Variants in TRMT9B observed in about 807,000 individuals in gnomAD.
The protein encoded by TRMT9B is tRNA methyltransferase 9B (putative).
In TRMT9B, 16 loss-of-function variants were observed where a neutral mutation model predicts 11.5. The observed-to-expected ratio is 1.39, with a 90% CI of 0.94 to 2.11. The LOEUF (loss-of-function observed/expected upper bound fraction) is 2.11. TRMT9B is among the 30% of genes most tolerant of loss of function. The pLI is 0.00. For synonymous variants in TRMT9B, 274 were observed against 192.4 expected (o/e 1.42, Z -3.51); for missense variants, 941 against 553.8 (o/e 1.70, Z -7.02).
chr8:12,996,363 T>C (rs1225704436), intron 2 of TRMT9B, among the ~76,000 whole-genome samples: 1 of 152,220 alleles, frequency 6.6e-6, no homozygotes, highest in Non-Finnish European at 1.5e-5. Context: ...GCAAATGGAC[T>C]CTATTCTTGG....
Position 13,027,241 on chromosome 8 carries a change from T to A in TRMT9B, c.*5197T>A, listed in dbSNP as rs1814793642. 1 of 167,068 alleles carries A rather than the reference T, an allele frequency of 6.0e-6. No individual in the cohort carries two copies. Among genetic ancestry groups the A allele is most frequent in the African/African-American group, 2.4e-5 (1 of 41,464 alleles). The allele number at this position is 167,068 out of a possible 1,614,324, so 10.3% of individuals were successfully genotyped here. A position where few individuals can be genotyped will look rare whatever the true frequency, so the allele number is the denominator to read the frequency against. ...CTTGAAGGTACCCAGAATATTAGAA[T>A]TAACTGACCCACAGGTGCCAAGCTG... On this transcript the variant is annotated 3_prime_UTR_variant, in exon 5 of 5. Transcript: ENST00000524591.
intron 1 of TRMT9B, among the ~76,000 whole-genome samples, chr8:12,973,851 G>T (rs773174363): frequency 6.6e-6 from 1 of 152,084 alleles, no homozygotes; most frequent in Non-Finnish European, 1.5e-5. Flanking sequence ...CTCAGTTCAC[G>T]CCAGTGCCAG....
At chr8:12,999,986 ATGTATACTTT>A (rs942300677) in intron 2 of TRMT9B, among the ~76,000 whole-genome samples, 8 of 152,200 alleles carry the variant, frequency 5.3e-5, no homozygotes, top group Non-Finnish European at 1.2e-4. Context: ...ATAAAAACTG[ATGTATACTTT>A]TCACTTTTTC....
At position 13,021,071 on chromosome 8, in the gene TRMT9B, T is replaced by C; in HGVS notation, c.392T>C (p.Leu131Ser). The stretch of plus-strand genomic sequence containing the variant: ...GCAATAAAAGAAATGGCCAGGGTCT[T>C]AGTTCCCGGAGGCCAACTGATGATT... ...IRAIKEMARV[L>S]VPGGQLMIYV... Residue 131 changes from leucine to serine, a missense_variant, in exon 5 of 5, where the codon TTA becomes TCA. Leu to Ser is a moderately radical substitution (Grantham distance 145, BLOSUM62 -2). Transcript: ENST00000524591. 2 of 1,602,416 alleles carry C rather than the reference T, an allele frequency of 1.2e-6. No homozygotes were observed. Among genetic ancestry groups the C allele is most frequent in the Non-Finnish European group, 1.7e-6 (2 of 1,173,796 alleles).
In TRMT9B at chr8:13,022,414, T is replaced by C. The variant is rs1245981780; in HGVS notation, c.*370T>C. ...GCTGTTAAATAATCTTTTAAAACGG[T>C]ATTTTTATAAAGTGAGGGGATAATT... On this transcript the variant is annotated 3_prime_UTR_variant, in exon 5 of 5. Transcript: ENST00000524591. The C allele has an allele frequency of 2.2e-5, 4 of 179,536 alleles. No homozygotes were observed. The highest frequency in any genetic ancestry group is 7.2e-5 in the African/African-American group (3 of 41,798). 11.1% of individuals were successfully genotyped at this position (179,536 alleles called of 1,614,324 possible).
intron 3 of TRMT9B, chr8:13,010,578 T>C (rs1030151705): frequency 2.0e-6 from 2 of 985,104 alleles, no homozygotes; most frequent in Admixed American, 6.2e-5. Flanking sequence ...AAATCAAGAG[T>C]TCTAGGGCAC....
intron 1 of TRMT9B, chr8:12,952,502 A>G (rs1800761685): frequency 4.4e-6 from 1 of 228,590 alleles, no homozygotes; most frequent in Admixed American, 5.7e-5. Flanking sequence ...GATTGGATAA[A>G]TCAGAATTCA....
chr8:13,017,636 C>G (rs550829597), intron 4 of TRMT9B, among the ~76,000 whole-genome samples: 1 of 95,946 alleles, frequency 1.0e-5, no homozygotes, highest in African/African-American at 4.3e-5. Flanking sequence ...TTTTTTGAGA[C>G]AGTGTCTTAC....
At position 13,021,944 on chromosome 8, in the gene TRMT9B, G is replaced by T. The variant is rs1382397495; in HGVS notation, c.1265G>T (p.Ser422Ile). ...GTGTTTCGAGAAGGGGAGCTCTGCA[G>T]TCTGCTCAAGGAGAATGTGTCAGAG... is the stretch of plus-strand genomic sequence containing the variant. ...YHVFREGELCSLLKENVSELR... is the reference protein window; with the variant it reads ...YHVFREGELCILLKENVSELR... Residue 422 changes from serine (S) to isoleucine (I), a missense_variant, in exon 5 of 5, where the codon AGT becomes ATT. Physicochemically the swap from Ser to Ile is moderately radical, Grantham distance 142. Transcript: ENST00000524591. 1 of 1,613,762 alleles carries T rather than the reference G, an allele frequency of 6.2e-7. No homozygotes were observed. Among genetic ancestry groups the T allele is most frequent in the Admixed American group, 1.7e-5 (1 of 60,006 alleles).
intron 2 of TRMT9B, among the ~76,000 whole-genome samples, chr8:13,001,724 G>T (rs999903240): frequency 6.9e-6 from 1 of 145,594 alleles, no homozygotes. Context: ...TTTTCTCCAA[G>T]ATTTTTCAAA....
intron 1 of TRMT9B, chr8:12,961,763 C>G (rs1563316993): frequency 2.7e-5 from 4 of 150,538 alleles, no homozygotes; most frequent in Admixed American, 1.3e-4. Context: ...GATGGCAGGT[C>G]AAATGGTAGG....
chr8:13,018,383 C>T (rs1232152786), intron 4 of TRMT9B, among the ~76,000 whole-genome samples: 2 of 111,846 alleles, frequency 1.8e-5, no homozygotes, highest in African/African-American at 6.4e-5. Flanking sequence ...GGTGACAGAG[C>T]AAGACCCTGT....
intron 4 of TRMT9B, among the ~76,000 whole-genome samples, chr8:13,017,041 T>C (rs557072118): frequency 2.7e-5 from 4 of 149,612 alleles, no homozygotes; most frequent in Middle Eastern, 3.4e-3. Flanking sequence ...GAAGAATTGC[T>C]TGAACCCAGG....
intron 3 of TRMT9B, chr8:13,010,901 A>G (rs981862500): frequency 3.1e-6 from 3 of 953,776 alleles, no homozygotes; most frequent in Non-Finnish European, 3.7e-6. Context: ...ATTATTGGGA[A>G]CAGTGTGGCT....
intron 1 of TRMT9B, among the ~76,000 whole-genome samples, chr8:12,949,849 A>T (rs1317740380): frequency 6.6e-6 from 1 of 151,518 alleles, no homozygotes; most frequent in Admixed American, 6.6e-5. Context: ...TCCCTAGTTA[A>T]TTCTATTTAT....
chr8:12,999,021 C>T (rs1019187760), intron 2 of TRMT9B, among the ~76,000 whole-genome samples: 11 of 152,162 alleles, frequency 7.2e-5, no homozygotes, highest in African/African-American at 2.6e-4. Context: ...TGTTCAGGGG[C>T]TGGGCGCAGT....
intron 4 of TRMT9B, among the ~76,000 whole-genome samples, chr8:13,018,238 C>CA (rs1428621493): frequency 6.6e-6 from 1 of 151,078 alleles, no homozygotes; most frequent in Non-Finnish European, 1.5e-5. Flanking sequence ...TCCATCTCTA[C>CA]AAAAAATACA....
At chr8:12,990,732 C>A in intron 1 of TRMT9B, 102 bp from the exon 2 acceptor site, 1 of 528,666 alleles carries the variant, frequency 1.9e-6, no homozygotes, top group Non-Finnish European at 2.9e-6. Flanking sequence ...CCCTACTTGG[C>A]TGGGTAATTT....
chr8:12,993,966 G>A (rs1807867432), intron 2 of TRMT9B, among the ~76,000 whole-genome samples: 1 of 152,166 alleles, frequency 6.6e-6, no homozygotes, highest in Non-Finnish European at 1.5e-5. Flanking sequence ...GAGGCATGAG[G>A]ATCTTTTCTT....
Sources: allele counts gnomAD v4.1 joint callset (sites outside exome capture counted in the v4.1 genomes callset), GRCh38; gene constraint gnomAD v4.1.1; transcripts MANE v1.5; gene names NCBI Gene and HGNC (gene_info 2026-07-23, HGNC 2026-07-21).